The following NR1H4 variants were observed in gnomAD, a reference collection of about 807,000 sequenced individuals.
The protein encoded by NR1H4 is nuclear receptor subfamily 1 group H member 4, also known as bile acid receptor.
Under a neutral mutation model 58.5 loss-of-function variants are expected in NR1H4, and 23 were observed. The ratio of observed to expected loss-of-function variants is 0.39; its 90% confidence interval spans 0.28 to 0.56. The LOEUF (loss-of-function observed/expected upper bound fraction) is 0.56. NR1H4 is among the 20% of genes least tolerant of loss of function. The pLI, the probability that NR1H4 is intolerant of heterozygous loss-of-function variation, is 0.58. For synonymous variants in NR1H4, 214 were observed against 198.0 expected (o/e 1.08, Z -0.68); for missense variants, 487 against 576.9 (o/e 0.84, Z 1.60).
At chr12:100,553,705 C>T (rs944506116) in intron 9 of NR1H4, among the ~76,000 whole-genome samples, 9 of 152,192 alleles carry the variant, frequency 5.9e-5, no homozygotes, top group African/African-American at 1.2e-4. Flanking sequence ...AACCCACCAT[C>T]GGAAACACAG....
At chr12:100,499,392 C>T (rs1402883646) in intron 3 of NR1H4, among the ~76,000 whole-genome samples, 1 of 152,214 alleles carries the variant, frequency 6.6e-6, no homozygotes, top group Non-Finnish European at 1.5e-5. Context: ...TTCTTCTCCA[C>T]AGCTCTTCCA....
At chr12:100,474,472 T>C (rs1472107747) in intron 1 of NR1H4, among the ~76,000 whole-genome samples, 3 of 152,212 alleles carry the variant, frequency 2.0e-5, no homozygotes, top group Admixed American at 2.0e-4. Context: ...ACTTGGGAAC[T>C]AAGAATAAGA....
chr12:100,498,696 C>G (rs1206899659), intron 3 of NR1H4, among the ~76,000 whole-genome samples: 1 of 152,052 alleles, frequency 6.6e-6, no homozygotes, highest in Non-Finnish European at 1.5e-5. Context: ...CTGGTTACCT[C>G]ACCTTTGCAT....
chr12:100,489,392 C>T (rs928941194), intron 1 of NR1H4, among the ~76,000 whole-genome samples: 1 of 152,216 alleles, frequency 6.6e-6, no homozygotes. Context: ...GTTGCAACTA[C>T]TGTACTCAAC....
intron 1 of NR1H4, among the ~76,000 whole-genome samples, chr12:100,477,930 G>C (rs1953304008): frequency 6.6e-6 from 1 of 152,168 alleles, no homozygotes. Context: ...GGTCACTTAA[G>C]ACTACATTTA....
chr12:100,540,347 A>T (rs1954906488), intron 8 of NR1H4, among the ~76,000 whole-genome samples: 1 of 152,188 alleles, frequency 6.6e-6, no homozygotes, highest in South Asian at 2.1e-4. Context: ...ACCCTGTCAC[A>T]TCAGGTGTGA....
At chr12:100,532,017 T>C (rs940402440) in intron 4 of NR1H4, among the ~76,000 whole-genome samples, 1 of 152,168 alleles carries the variant, frequency 6.6e-6, no homozygotes, top group Admixed American at 6.5e-5. Flanking sequence ...TCTGCCGCAG[T>C]GCAGCTTTTA....
At chr12:100,500,623 G>A (rs541020022) in intron 3 of NR1H4, among the ~76,000 whole-genome samples, 6 of 152,268 alleles carry the variant, frequency 3.9e-5, no homozygotes, top group African/African-American at 7.2e-5. Context: ...CACATGTTGA[G>A]GGAGAGACTT....
At chr12:100,483,115 G>A (rs1953416761) in intron 1 of NR1H4, among the ~76,000 whole-genome samples, 1 of 151,956 alleles carries the variant, frequency 6.6e-6, no homozygotes, top group South Asian at 2.1e-4. Context: ...TAGTAGAGAT[G>A]GAGTTTCACC....
At chr12:100,492,296 G>C (rs563417658) in intron 1 of NR1H4, among the ~76,000 whole-genome samples, 4 of 152,048 alleles carry the variant, frequency 2.6e-5, no homozygotes, top group Non-Finnish European at 5.9e-5. Flanking sequence ...AAATCCTAAT[G>C]AAATACATAC....
At chr12:100,546,405 A>G (rs1010184529) in intron 9 of NR1H4, among the ~76,000 whole-genome samples, 6 of 151,902 alleles carry the variant, frequency 3.9e-5, no homozygotes, top group African/African-American at 1.4e-4. Flanking sequence ...GTTCCAAATC[A>G]ACGTCCATTG....
chr12:100,554,169 A>C (rs1955269896), intron 9 of NR1H4, among the ~76,000 whole-genome samples: 1 of 152,254 alleles, frequency 6.6e-6, no homozygotes, highest in Non-Finnish European at 1.5e-5. Flanking sequence ...GGAAAGCAGA[A>C]GGCAGATGTG....
intron 3 of NR1H4, among the ~76,000 whole-genome samples, chr12:100,504,587 G>A (rs1475110045): frequency 6.6e-6 from 1 of 152,142 alleles, no homozygotes; most frequent in Non-Finnish European, 1.5e-5. Context: ...AATCACAAAA[G>A]TATACATGTG....
intron 3 of NR1H4, among the ~76,000 whole-genome samples, chr12:100,495,919 C>G (rs575580100): frequency 6.6e-6 from 1 of 152,198 alleles, no homozygotes; most frequent in East Asian, 1.9e-4. Flanking sequence ...GAATGAGTAG[C>G]CCACAGGCCT....
intron 3 of NR1H4, among the ~76,000 whole-genome samples, chr12:100,495,172 G>A (rs1953687268): frequency 6.6e-6 from 1 of 152,138 alleles, no homozygotes; most frequent in South Asian, 2.1e-4. Flanking sequence ...TCTTTTGCTG[G>A]ACCACATTCT....
intron 6 of NR1H4, 142 bp from the exon 7 acceptor site, chr12:100,536,370 C>T (rs1255585016): frequency 3.2e-6 from 2 of 630,228 alleles, no homozygotes; most frequent in Admixed American, 2.8e-5. Context: ...TATACACTCT[C>T]TTAGAACTCA....
rs1491301660 is a variant in NR1H4 at position 100,545,671 on chromosome 12, C to CAAAAAAAA, written c.1078+4856_1078+4857insAAAAAAAA. 7.3e-4 allele frequency among the ~76,000 whole-genome samples: 39 copies of CAAAAAAAA among 53,314 alleles called. 1 individual carries two copies. The highest frequency in any genetic ancestry group is 3.3e-3 in the African/African-American group (37 of 11,132). 35.0% of individuals were successfully genotyped at this position (53,314 alleles called of 152,430 possible). A position where few individuals can be genotyped will look rare whatever the true frequency, so the allele number is the denominator to read the frequency against. Reference sequence around the variant, plus strand: ...AAAAAAAAAAAAAAAAAAAAAAAACCAAACGGGGGGCATATATGCGTAATG... The same window carrying CAAAAAAAA: ...AAAAAAAAAAAAAAAAAAAAAAAACCAAAAAAAAAAACGGGGGGCATATATGCGTAATG... On this transcript the variant is annotated intron_variant, in intron 9 of 10. Transcript: ENST00000392986.
At chr12:100,560,775 A>T (rs1372590482) in intron 9 of NR1H4, among the ~76,000 whole-genome samples, 1 of 152,226 alleles carries the variant, frequency 6.6e-6, no homozygotes, top group African/African-American at 2.4e-5. Context: ...CAACTGCAGT[A>T]ATCCAGAGGA....
intron 3 of NR1H4, chr12:100,503,602 A>T: frequency 8.5e-7 from 1 of 1,175,004 alleles, no homozygotes; most frequent in Non-Finnish European, 1.1e-6. Flanking sequence ...TGTCAAAGAT[A>T]GTGGCTCAGT....
Sources: allele counts gnomAD v4.1 joint callset (sites outside exome capture counted in the v4.1 genomes callset), GRCh38; gene constraint gnomAD v4.1.1; transcripts MANE v1.5; gene names NCBI Gene and HGNC (gene_info 2026-07-23, HGNC 2026-07-21).